Variants in CAMTA1 observed in about 807,000 individuals in gnomAD.
CAMTA1 encodes the protein calmodulin-binding transcription activator 1.
Under a neutral mutation model 170.9 loss-of-function variants are expected in CAMTA1, and 27 were observed. The observed-to-expected ratio is 0.16, with a 90% confidence interval of 0.12 to 0.22. The LOEUF is 0.22. CAMTA1 is among the 10% of genes least tolerant of loss of function. The pLI, the probability that CAMTA1 is intolerant of heterozygous loss-of-function variation, is 1.00. For missense variants in CAMTA1, 1,619 were observed against 2,217.2 expected, an observed-to-expected ratio of 0.73 and a Z score of 5.42; for synonymous variants, 833 against 891.5, an observed-to-expected ratio of 0.93 and a Z score of 1.17.
At chr1:6,789,804 C>CTTTTTTTTTTT (rs34542033) in intron 1 of CAMTA1, among the ~76,000 whole-genome samples, 1 of 85,662 alleles carries the variant, frequency 1.2e-5, no homozygotes, top group Non-Finnish European at 2.1e-5. Flanking sequence ...TTTAGTGTAT[C>CTTTTTTTTTTT]TTTTTTTTTT....
At chr1:7,284,288 T>A (rs1049275199) in intron 5 of CAMTA1, among the ~76,000 whole-genome samples, 1 of 150,976 alleles carries the variant, frequency 6.6e-6, no homozygotes, top group South Asian at 2.1e-4. Flanking sequence ...ACTGCAACCT[T>A]TGCCTCCCGG....
At position 7,333,662 on chromosome 1, in the gene CAMTA1, C is replaced by A. The variant is rs570615798; in HGVS notation, c.438+84036C>A. On this transcript the variant is annotated intron_variant, in intron 5 of 22. Coordinates refer to ENST00000303635, the MANE Select transcript of CAMTA1 (RefSeq NM_015215.4). The surrounding 1 kb of genome is among the most constrained non-coding windows in gnomAD (Gnocchi z 4.4). Reference sequence around the variant, plus strand: ...CTAGGGAGGCTGGGGTTACAGCCTCCGCCATGTTGCAGATTCTCCAATAAG... The same window carrying A: ...CTAGGGAGGCTGGGGTTACAGCCTCAGCCATGTTGCAGATTCTCCAATAAG... 2.6e-5 allele frequency among the ~76,000 whole-genome samples: 4 copies of A among 152,168 alleles called. No homozygotes were observed. Among genetic ancestry groups the A allele is most frequent in the Admixed American group, 6.5e-5 (1 of 15,272 alleles).
chr1:7,312,562 G>C (rs1676894434), intron 5 of CAMTA1, among the ~76,000 whole-genome samples: 1 of 152,104 alleles, frequency 6.6e-6, no homozygotes, highest in Non-Finnish European at 1.5e-5. Flanking sequence ...CCTCAGATTT[G>C]CTGCTTCAAC....
chr1:6,825,631 T>G (rs1256960384), intron 3 of CAMTA1, among the ~76,000 whole-genome samples: 1 of 152,188 alleles, frequency 6.6e-6, no homozygotes, highest in Non-Finnish European at 1.5e-5. Flanking sequence ...AAAGGGCAGG[T>G]TTCATAGGAG....
intron 5 of CAMTA1, among the ~76,000 whole-genome samples, chr1:7,408,329 G>C (rs2090449226): frequency 6.6e-6 from 1 of 152,266 alleles, no homozygotes; most frequent in Non-Finnish European, 1.5e-5. Flanking sequence ...TGCTCCGCGT[G>C]TCTGTGGAGT....
At chr1:7,081,333 C>G in intron 3 of CAMTA1, among the ~76,000 whole-genome samples, 1 of 152,156 alleles carries the variant, frequency 6.6e-6, no homozygotes, top group East Asian at 1.9e-4. Context: ...TTCTGCTATG[C>G]CAGCAAAGGA....
intron 5 of CAMTA1, among the ~76,000 whole-genome samples, chr1:7,427,209 C>T (rs1238509538): frequency 6.6e-6 from 1 of 152,198 alleles, no homozygotes; most frequent in Non-Finnish European, 1.5e-5. Context: ...TGACATCAAC[C>T]TTTTGACCGC....
At chr1:6,959,865 C>T (rs1195007044) in intron 3 of CAMTA1, among the ~76,000 whole-genome samples, 3 of 152,254 alleles carry the variant, frequency 2.0e-5, no homozygotes, top group African/African-American at 7.2e-5. Context: ...CAGAGTCACT[C>T]AGGTCCCATG....
intron 4 of CAMTA1, among the ~76,000 whole-genome samples, chr1:7,149,954 G>A (rs1646476318): frequency 6.6e-6 from 1 of 152,138 alleles, no homozygotes; most frequent in East Asian, 1.9e-4. Flanking sequence ...ACTGCCAGGG[G>A]AGGCTTCGTC....
intron 7 of CAMTA1, among the ~76,000 whole-genome samples, chr1:7,650,671 C>T (rs1357699060): frequency 6.6e-6 from 1 of 151,266 alleles, no homozygotes; most frequent in South Asian, 2.1e-4. Flanking sequence ...CATGTGCACA[C>T]GGTGGGCGCA....
rs1471891724 is a variant in CAMTA1, at chr1:7,092,404, C to T, written c.302+1033C>T. Among the ~76,000 whole-genome samples, 2 of 152,110 alleles carry T rather than the reference C, an allele frequency of 1.3e-5. No homozygotes were observed. Among genetic ancestry groups the T allele is most frequent in the African/African-American group, 4.8e-5 (2 of 41,404 alleles). ...TCCTTCTAGAAGGTATTTTAAAATACCACATTATTAGGCTGAGATATTTAC... is the reference window on the plus strand; with the variant it reads ...TCCTTCTAGAAGGTATTTTAAAATATCACATTATTAGGCTGAGATATTTAC... On this transcript the variant is annotated intron_variant, in intron 4 of 22. Coordinates refer to ENST00000303635, the MANE Select transcript of CAMTA1 (RefSeq NM_015215.4). The surrounding 1 kb of genome is among the most constrained non-coding windows in gnomAD (Gnocchi z 5.0).
intron 5 of CAMTA1, among the ~76,000 whole-genome samples, chr1:7,403,124 G>A (rs192412173): frequency 6.7e-6 from 1 of 149,530 alleles, no homozygotes; most frequent in East Asian, 1.9e-4. Context: ...AGGCCTAGGT[G>A]GGGGGATCAG....
chr1:7,101,791 CAT>C (rs1336862996), intron 4 of CAMTA1, among the ~76,000 whole-genome samples: 12 of 145,806 alleles, frequency 8.2e-5, no homozygotes, highest in African/African-American at 7.8e-5. Flanking sequence ...ACACACAATA[CAT>C]GTGTGCACAC....
At chr1:7,147,798 GCA>G (rs1425787907) in intron 4 of CAMTA1, among the ~76,000 whole-genome samples, 3 of 69,634 alleles carry the variant, frequency 4.3e-5, no homozygotes, top group African/African-American at 1.8e-4. Flanking sequence ...CATATACCAT[GCA>G]CACACACATT....
At chr1:7,354,217 T>C (rs1002199319) in intron 5 of CAMTA1, among the ~76,000 whole-genome samples, 2 of 151,798 alleles carry the variant, frequency 1.3e-5, no homozygotes, top group Admixed American at 1.3e-4. Flanking sequence ...GGCACGATCT[T>C]GGCTCACTGC....
chr1:7,108,098 C>T (rs962883918), intron 4 of CAMTA1, among the ~76,000 whole-genome samples: 1 of 152,046 alleles, frequency 6.6e-6, no homozygotes, highest in South Asian at 2.1e-4. Context: ...TGCTGGAAAC[C>T]GTCCTATGGT....
intron 11 of CAMTA1, among the ~76,000 whole-genome samples, chr1:7,718,853 C>CCTTT (rs371449043): frequency 7.4e-6 from 1 of 134,560 alleles, no homozygotes; most frequent in African/African-American, 2.8e-5. Context: ...CCGGTCAGCC[C>CCTTT]TTTTTTTTTT....
chr1:7,558,217 G>C (rs992890572), intron 6 of CAMTA1, among the ~76,000 whole-genome samples: 3 of 152,242 alleles, frequency 2.0e-5, no homozygotes, highest in African/African-American at 7.2e-5. Flanking sequence ...GGCCTGTGCT[G>C]TGCCTGCTCT....
intron 11 of CAMTA1, among the ~76,000 whole-genome samples, chr1:7,705,773 G>A (rs1170010844): frequency 3.3e-5 from 5 of 152,180 alleles, no homozygotes; most frequent in Admixed American, 2.0e-4. Context: ...CCAGGGGAGC[G>A]GAGGGACGCT....
Sources: gnomAD v4.1 joint callset for allele counts (sites outside exome capture counted in the v4.1 genomes callset) on GRCh38, gnomAD v4.1.1 for gene constraint, Gnocchi (gnomAD v3.1) non-coding constraint, MANE v1.5 for transcripts, NCBI Gene and HGNC (gene_info 2026-07-23, HGNC 2026-07-21) for gene names.